The following FOXP1 variants were observed in gnomAD, a reference collection of about 807,000 sequenced individuals.
FOXP1 encodes the protein forkhead box protein P1.
FOXP1 carries 15 observed loss-of-function variants against 98.2 expected under a neutral mutation model. That is an observed-to-expected ratio of 0.15 (90% CI 0.10 to 0.24). The LOEUF is 0.24. Among genes scored for constraint, FOXP1 ranks in the 10% least tolerant of loss-of-function variants. FOXP1 has a pLI of 1.00. For missense variants in FOXP1, 633 were observed against 848.5 expected (o/e 0.75, Z 3.15); for synonymous variants, 371 against 314.5 (o/e 1.18, Z -1.90).
At chr3:71,469,280 A>ATGTTGTTTT (rs2089090628) in intron 3 of FOXP1, among the ~76,000 whole-genome samples, 2 of 152,232 alleles carry the variant, frequency 1.3e-5, no homozygotes, top group Non-Finnish European at 2.9e-5. Flanking sequence ...CTGTTTCCAT[A>ATGTTGTTTT]GTAACCAACA....
At chr3:71,377,396 G>C (rs2079802021) in intron 3 of FOXP1, among the ~76,000 whole-genome samples, 1 of 152,074 alleles carries the variant, frequency 6.6e-6, no homozygotes, top group Non-Finnish European at 1.5e-5. Context: ...ATATTACTTT[G>C]ATGTGCCATG....
chr3:71,326,072 G>GA (rs143299923), intron 4 of FOXP1, among the ~76,000 whole-genome samples: 15 of 150,610 alleles, frequency 1.0e-4, no homozygotes, highest in East Asian at 3.9e-4. Context: ...CTTTCAAGTA[G>GA]AAAAAAAAAG....
At chr3:71,349,524 T>C (rs1950132) in intron 4 of FOXP1, among the ~76,000 whole-genome samples, 2,387 of 152,238 alleles carry the variant, frequency 0.016, 66 homozygotes, top group African/African-American at 0.053. Context: ...GAAAATATGA[T>C]GGACATGAAA....
At chr3:71,516,447 T>A (rs927596038) in intron 2 of FOXP1, among the ~76,000 whole-genome samples, 1 of 152,232 alleles carries the variant, frequency 6.6e-6, no homozygotes, top group Non-Finnish European at 1.5e-5. Flanking sequence ...TTTGCAATTA[T>A]ACCAAAAGAA....
chr3:71,198,402 G>A lies in FOXP1; in HGVS notation c.-11-10C>T. 2 of 940,336 alleles carry A rather than the reference G, an allele frequency of 2.1e-6. No individual in the cohort carries two copies. Among genetic ancestry groups the A allele is most frequent in the Non-Finnish European group, 3.2e-6 (2 of 630,060 alleles). The allele number at this position is 940,336 out of a possible 1,614,324, so 58.2% of individuals were successfully genotyped here. A position where few individuals can be genotyped will look rare whatever the true frequency, so the allele number is the denominator to read the frequency against. Reference sequence around the variant, plus strand: ...ATCATGACTCAAAAACCTGATACAAGGATTTCCAAGATGGGGGGAGGGAGG... The same window carrying A: ...ATCATGACTCAAAAACCTGATACAAAGATTTCCAAGATGGGGGGAGGGAGG... On this transcript the variant is annotated splice_polypyrimidine_tract_variant and intron_variant, in intron 5 of 20. Coordinates refer to ENST00000649528, the MANE Select transcript of FOXP1 (RefSeq NM_001349338.3).
chr3:71,431,811 T>A (rs541908941), intron 3 of FOXP1, among the ~76,000 whole-genome samples: 1 of 152,356 alleles, frequency 6.6e-6, no homozygotes, highest in African/African-American at 2.4e-5. Context: ...TCCTGGCTTT[T>A]TCCTGACTTT....
chr3:70,990,822 G>A (rs1361985698), intron 13 of FOXP1, among the ~76,000 whole-genome samples: 4 of 152,194 alleles, frequency 2.6e-5, no homozygotes, highest in African/African-American at 7.2e-5. Flanking sequence ...AACGATGGCA[G>A]GGTGAAAACG....
chr3:71,171,359 A>G (rs139213055), intron 6 of FOXP1, among the ~76,000 whole-genome samples: 7 of 152,166 alleles, frequency 4.6e-5, no homozygotes, highest in Non-Finnish European at 1.0e-4. Flanking sequence ...CCATTTTCAG[A>G]TGTTAAATCA....
chr3:71,387,010 T>C (rs1054504972), intron 3 of FOXP1, among the ~76,000 whole-genome samples: 2 of 152,184 alleles, frequency 1.3e-5, no homozygotes, highest in Non-Finnish European at 2.9e-5. Flanking sequence ...ACCAAAGGAA[T>C]TGTTCATTGC....
chr3:71,195,611 G>A (rs542170496), intron 6 of FOXP1, among the ~76,000 whole-genome samples: 22 of 152,252 alleles, frequency 1.4e-4, no homozygotes, highest in African/African-American at 4.8e-4. Flanking sequence ...TTTGTACTAC[G>A]GAATCTGAAT....
At chr3:71,275,545 T>C (rs1288696) in intron 5 of FOXP1, among the ~76,000 whole-genome samples, 44,314 of 152,174 alleles carry the variant, frequency 0.29, 6,675 homozygotes, top group East Asian at 0.36. Flanking sequence ...TAATTTGTTT[T>C]GTTTTGGCAG....
chr3:71,228,759 C>A (rs191399339), intron 5 of FOXP1, among the ~76,000 whole-genome samples: 10 of 152,112 alleles, frequency 6.6e-5, no homozygotes, highest in Admixed American at 6.5e-4. Context: ...TCTCAACACC[C>A]GAGATTTATG....
At chr3:71,519,967 C>T (rs2042859984) in intron 2 of FOXP1, among the ~76,000 whole-genome samples, 1 of 152,216 alleles carries the variant, frequency 6.6e-6, no homozygotes, top group Non-Finnish European at 1.5e-5. Flanking sequence ...TCTTGGGACA[C>T]AGTTTTCCAA....
At position 71,582,524 on chromosome 3, in the gene FOXP1, A is replaced by G. The variant is rs376766790; in HGVS notation, c.-446-827T>C. The G allele has an allele frequency of 9.5e-5, 94 of 985,462 alleles. No homozygotes were observed. In the East Asian group the frequency reaches 8.8e-3, roughly 92 times the overall value. The allele number at this position is 985,462 out of a possible 1,614,324, so 61.0% of individuals were successfully genotyped here. On this transcript the variant is annotated intron_variant, in intron 1 of 20. Transcript: ENST00000649528. ...GAGGGACGGAGAGCCATCGGCCGCCAGGACAGGGCCGGAGGGACGAGGCGA... is the reference window on the plus strand; with the variant it reads ...GAGGGACGGAGAGCCATCGGCCGCCGGGACAGGGCCGGAGGGACGAGGCGA...
chr3:71,272,637 T>C (rs1170367869), intron 5 of FOXP1, among the ~76,000 whole-genome samples: 1 of 151,550 alleles, frequency 6.6e-6, no homozygotes, highest in Admixed American at 6.6e-5. Context: ...CATTTCTCAG[T>C]CCTTTATTCT....
intron 2 of FOXP1, among the ~76,000 whole-genome samples, chr3:71,577,103 G>C (rs2047780460): frequency 1.3e-5 from 2 of 152,158 alleles, no homozygotes; most frequent in African/African-American, 2.4e-5. Context: ...CAACCTTCTT[G>C]TGAATGGCAG....
chr3:71,426,748 C>A (rs1315564202), intron 3 of FOXP1, among the ~76,000 whole-genome samples: 1 of 152,128 alleles, frequency 6.6e-6, no homozygotes, highest in African/African-American at 2.4e-5. Context: ...AAATAGTTCC[C>A]CTTCTTGCAC....
At chr3:71,501,916 T>A (rs539246744) in intron 2 of FOXP1, among the ~76,000 whole-genome samples, 1 of 152,320 alleles carries the variant, frequency 6.6e-6, no homozygotes, top group African/African-American at 2.4e-5. Flanking sequence ...CTTTGGTTTC[T>A]TTCGCAGAGT....
At chr3:71,456,859 A>G (rs1356225516) in intron 3 of FOXP1, among the ~76,000 whole-genome samples, 1 of 148,864 alleles carries the variant, frequency 6.7e-6, no homozygotes, top group Non-Finnish European at 1.5e-5. Flanking sequence ...CAGTGGCTTT[A>G]TTTTTAAAGA....
Sources: allele counts gnomAD v4.1 joint callset (sites outside exome capture counted in the v4.1 genomes callset), GRCh38; gene constraint gnomAD v4.1.1; transcripts MANE v1.5; gene names NCBI Gene and HGNC (gene_info 2026-07-23, HGNC 2026-07-21).